The following ENTHD1 variants were observed in gnomAD, a reference collection of about 807,000 sequenced individuals.
ENTHD1 encodes ENTH domain-containing protein 1.
In ENTHD1, 23 loss-of-function variants were observed where a neutral mutation model predicts 39.1. The ratio of observed to expected loss-of-function variants is 0.59; its 90% confidence interval spans 0.42 to 0.83. ENTHD1 has a LOEUF of 0.83. Among genes scored for constraint, ENTHD1 ranks in the 40% least tolerant of loss-of-function variants. The pLI is 0.00. For synonymous variants in ENTHD1, 230 were observed against 258.2 expected (o/e 0.89, Z 1.05); for missense variants, 624 against 705.4 (o/e 0.88, Z 1.31).
intron 5 of ENTHD1, among the ~76,000 whole-genome samples, chr22:39,790,471 CCTT>C (rs947895612): frequency 9.9e-5 from 15 of 152,172 alleles, no homozygotes; most frequent in African/African-American, 3.6e-4. Context: ...ATTTTTGACA[CCTT>C]CTTCTCAGAC....
At chr22:39,887,260 G>A in intron 2 of ENTHD1, 140 bp downstream of exon 2, 1 of 682,540 alleles carries the variant, frequency 1.5e-6, no homozygotes, top group Non-Finnish European at 2.4e-6. Flanking sequence ...GAGTACAGTG[G>A]CTATTCACAG....
chr22:39,757,903 T>C (rs576926729), intron 6 of ENTHD1, among the ~76,000 whole-genome samples: 28 of 152,236 alleles, frequency 1.8e-4, no homozygotes, highest in African/African-American at 5.8e-4. Context: ...TCCTCCTTCA[T>C]GCACTCTCTC....
intron 5 of ENTHD1, among the ~76,000 whole-genome samples, chr22:39,820,540 C>T (rs1351944398): frequency 6.6e-6 from 1 of 152,116 alleles, no homozygotes; most frequent in Non-Finnish European, 1.5e-5. Context: ...GGAACTCAAT[C>T]GTGTAATTTA....
chr22:39,752,845 C>T (rs570787859), intron 6 of ENTHD1, among the ~76,000 whole-genome samples: 3 of 152,294 alleles, frequency 2.0e-5, no homozygotes, highest in South Asian at 4.1e-4. Context: ...CTACTCTGCA[C>T]GGTGCTTCTA....
chr22:39,845,229 T>C (rs1206808455), intron 3 of ENTHD1, among the ~76,000 whole-genome samples: 1 of 152,146 alleles, frequency 6.6e-6, no homozygotes, highest in African/African-American at 2.4e-5. Flanking sequence ...TTACTTCTTA[T>C]AACAACTCCA....
chr22:39,861,814 A>G lies in ENTHD1; in HGVS notation c.543T>C (p.Ala181=). 6.3e-7 allele frequency: 1 copy of G among 1,590,866 alleles called. No individual in the cohort carries two copies. Among genetic ancestry groups the G allele is most frequent in the Non-Finnish European group, 8.6e-7 (1 of 1,165,336 alleles). The change falls in exon 3 of 7, where the codon GCT becomes GCC. Residue 181 remains alanine, a synonymous_variant. Coordinates refer to ENST00000325157, the MANE Select transcript of ENTHD1 (RefSeq NM_152512.4). ...CTSAPTPDIS[A]SEKKYKLPKF... ...TAGGAAGCTTATACTTCTTCTCTGA[A>G]GCAGAAATATCCGGTGTGGGGGCAG... is the stretch of plus-strand genomic sequence containing the variant.
At chr22:39,822,906 C>T (rs2065794327) in intron 4 of ENTHD1, among the ~76,000 whole-genome samples, 1 of 152,114 alleles carries the variant, frequency 6.6e-6, no homozygotes, top group Admixed American at 6.6e-5. Context: ...GTGTTTCCTC[C>T]AAAGGTAACA....
chr22:39,811,999 C>CAA (rs1472720740), intron 5 of ENTHD1, among the ~76,000 whole-genome samples: 1 of 34,586 alleles, frequency 2.9e-5, no homozygotes, highest in Non-Finnish European at 6.1e-5. Flanking sequence ...AAAACAAAAA[C>CAA]AAACAAACAA....
intron 5 of ENTHD1, among the ~76,000 whole-genome samples, chr22:39,784,912 C>G (rs577395633): frequency 6.6e-6 from 1 of 151,968 alleles, no homozygotes; most frequent in East Asian, 1.9e-4. Context: ...TATTTCAAAA[C>G]GGCTAGAAGA....
chr22:39,779,919 C>A (rs551304896), intron 5 of ENTHD1, among the ~76,000 whole-genome samples: 13 of 151,754 alleles, frequency 8.6e-5, no homozygotes, highest in Non-Finnish European at 1.5e-4. Context: ...CTTGTGGTAA[C>A]CGCAAGGCAA....
chr22:39,744,093 G>A lies in ENTHD1; in HGVS notation c.1410C>T (p.His470=), dbSNP rs1255545073. The change falls in exon 7 of 7, where the codon CAC becomes CAT. Residue 470 remains histidine, a synonymous_variant. Coordinates refer to ENST00000325157, the MANE Select transcript of ENTHD1 (RefSeq NM_152512.4). ...KDEDKTAKLH[H]SFASRGPVSS... ...ACACTGGGCCCCTAGAAGCAAAGGA[G>A]TGATGCAGCTTGGCTGTCTTATCTT... is the stretch of plus-strand genomic sequence containing the variant. 1.2e-6 allele frequency: 2 copies of A among 1,614,036 alleles called. No homozygotes were observed. Among genetic ancestry groups the A allele is most frequent in the African/African-American group, 2.7e-5 (2 of 74,938 alleles).
At chr22:39,817,283 A>G (rs142997961) in intron 5 of ENTHD1, among the ~76,000 whole-genome samples, 4 of 152,340 alleles carry the variant, frequency 2.6e-5, no homozygotes, top group East Asian at 3.9e-4. Flanking sequence ...ACACTCACAT[A>G]TGTGCACAAG....
At chr22:39,855,675 A>AT (rs1454943901) in intron 3 of ENTHD1, among the ~76,000 whole-genome samples, 2 of 152,146 alleles carry the variant, frequency 1.3e-5, no homozygotes, top group Non-Finnish European at 2.9e-5. Flanking sequence ...TAGAAGGCAG[A>AT]TGTGATGGCT....
At position 39,744,241 on chromosome 22, in the gene ENTHD1, GA is replaced by G. The variant is rs1569120578; in HGVS notation, c.1261del (p.Ser421ProfsTer7). The G allele has an allele frequency of 6.2e-7, 1 of 1,609,008 alleles. No homozygotes were observed. The highest frequency in any genetic ancestry group is 1.3e-5 in the African/African-American group (1 of 74,714). On this transcript the variant is annotated frameshift_variant, in exon 7 of 7. Coordinates refer to ENST00000325157, the MANE Select transcript of ENTHD1 (RefSeq NM_152512.4). LOFTEE classifies it low-confidence loss of function (END_TRUNC). Reference protein sequence around the residue: ...SEGASSFSPLSMSSPDLASPE... With the variant: ...SEGASSFSPLXMSSPDLASPE... ...AGAGGCTAAATCAGGAGATGACATG[GA>G]TAAAGGAGAAAAGGAAGATGCTCCC...
At chr22:39,762,179 G>A (rs527786443) in intron 6 of ENTHD1, among the ~76,000 whole-genome samples, 21 of 152,058 alleles carry the variant, frequency 1.4e-4, no homozygotes, top group African/African-American at 2.2e-4. Context: ...GGTCAGACTC[G>A]CTGGGGTCCC....
At chr22:39,857,891 G>A (rs886194378) in intron 3 of ENTHD1, among the ~76,000 whole-genome samples, 1 of 152,120 alleles carries the variant, frequency 6.6e-6, no homozygotes, top group African/African-American at 2.4e-5. Flanking sequence ...AGCCTTCAGC[G>A]AGTCTTCATC....
intron 4 of ENTHD1, among the ~76,000 whole-genome samples, chr22:39,829,572 G>A (rs1188329383): frequency 6.6e-6 from 1 of 152,024 alleles, no homozygotes; most frequent in Non-Finnish European, 1.5e-5. Flanking sequence ...ATTGCCTGAG[G>A]TCAGGGGTTC....
chr22:39,883,120 G>A (rs538823395), intron 2 of ENTHD1, among the ~76,000 whole-genome samples: 2 of 150,404 alleles, frequency 1.3e-5, no homozygotes, highest in South Asian at 2.1e-4. Context: ...AGTGAATAAT[G>A]TGTACAATGT....
intron 5 of ENTHD1, among the ~76,000 whole-genome samples, chr22:39,788,728 A>C (rs991302431): frequency 1.3e-5 from 2 of 151,812 alleles, no homozygotes; most frequent in African/African-American, 4.8e-5. Context: ...GACCTGGCAA[A>C]CTTCATCATC....
Sources: gnomAD v4.1 joint callset for allele counts (sites outside exome capture counted in the v4.1 genomes callset) on GRCh38, gnomAD v4.1.1 for gene constraint, MANE v1.5 for transcripts, NCBI Gene and HGNC (gene_info 2026-07-23, HGNC 2026-07-21) for gene names.